DENND2C: variants seen among roughly 807,000 people sequenced by gnomAD.
The protein encoded by DENND2C is DENN domain containing 2C, also known as DENN domain-containing protein 2C.
Under a neutral mutation model 112.4 loss-of-function variants are expected in DENND2C, and 72 were observed. The ratio of observed to expected loss-of-function variants is 0.64; its 90% CI spans 0.53 to 0.78. The LOEUF (loss-of-function observed/expected upper bound fraction) is 0.78. Among genes scored for constraint, DENND2C ranks in the 30% least tolerant of loss-of-function variants. The pLI, the probability that DENND2C is intolerant of heterozygous loss-of-function variation, is 0.00. For synonymous variants in DENND2C, 329 were observed against 381.6 expected, an observed-to-expected ratio of 0.86 and a Z score of 1.61; for missense variants, 992 against 1,113.8, an observed-to-expected ratio of 0.89 and a Z score of 1.56.
In DENND2C at chr1:114,602,205, A is replaced by G. The variant is rs1364097573; in HGVS notation, c.1668-11T>C. The G allele has an allele frequency of 4.3e-6, 7 of 1,612,944 alleles. No homozygotes were observed. On this transcript the variant is annotated splice_polypyrimidine_tract_variant and intron_variant, in intron 11 of 20. Coordinates refer to ENST00000393274, the MANE Select transcript of DENND2C (RefSeq NM_001256404.2). ...AAGGAGAATGTTTCACTGAAAAAAG[A>G]GCCAATAGTTAGTTTAGGATCCAAA... is the stretch of plus-strand genomic sequence containing the variant.
chr1:114,596,786 C>T (rs951376762), intron 16 of DENND2C, among the ~76,000 whole-genome samples: 1 of 151,910 alleles, frequency 6.6e-6, no homozygotes, highest in Non-Finnish European at 1.5e-5. Context: ...AAAAGAAGGA[C>T]AAGGCAGCGG....
In DENND2C at chr1:114,611,170, T is replaced by A. The variant is rs1557944676; in HGVS notation, c.1325-53A>T. On this transcript the variant is annotated intron_variant, in intron 8 of 20. Transcript: ENST00000393274. ...GTATTGTCCAACAGTAGGAAGTACA[T>A]GAGGATGAGAACAATGTAAACCCAC... The A allele has an allele frequency of 1.9e-6, 3 of 1,601,632 alleles. No individual in the cohort carries two copies. The East Asian group carries it at 6.7e-5, about 36-fold the overall frequency.
chr1:114,596,751 T>C (rs1417056044), intron 16 of DENND2C, among the ~76,000 whole-genome samples: 2 of 101,504 alleles, frequency 2.0e-5, no homozygotes, highest in Non-Finnish European at 2.9e-5. Flanking sequence ...AAATAAAAAG[T>C]TTTTTTTTAA....
chr1:114,633,285 A>T (rs1327052186), intron 3 of DENND2C, among the ~76,000 whole-genome samples: 1 of 151,948 alleles, frequency 6.6e-6, no homozygotes, highest in Admixed American at 6.6e-5. Context: ...TCCCTACTAA[A>T]AATACAGAAA....
intron 7 of DENND2C, among the ~76,000 whole-genome samples, chr1:114,620,090 G>A (rs1228961955): frequency 6.6e-6 from 1 of 152,190 alleles, no homozygotes; most frequent in Non-Finnish European, 1.5e-5. Flanking sequence ...GTGAAACTGT[G>A]AAGCAGTTTC....
At chr1:114,599,245 CA>C in intron 16 of DENND2C, 28 bp downstream of exon 16, 1 of 1,542,156 alleles carries the variant, frequency 6.5e-7, no homozygotes, top group East Asian at 2.3e-5. Context: ...CTCAATGCTC[CA>C]ATATTAGGTT....
chr1:114,665,164 G>A (rs2101702131), intron 1 of DENND2C, among the ~76,000 whole-genome samples: 1 of 151,802 alleles, frequency 6.6e-6, no homozygotes, highest in South Asian at 2.1e-4. Flanking sequence ...AGTTTCTCAG[G>A]AGACTGAAGC....
chr1:114,643,242 G>A (rs565949607), intron 3 of DENND2C, among the ~76,000 whole-genome samples: 1 of 152,268 alleles, frequency 6.6e-6, no homozygotes, highest in South Asian at 2.1e-4. Flanking sequence ...TAAGGCTTGT[G>A]TCAGGGAAAA....
Position 114,605,040 on chromosome 1 carries a change from G to T in DENND2C, c.1558-9C>A, listed in dbSNP as rs1006640004. The T allele has an allele frequency of 6.3e-7, 1 of 1,592,462 alleles. No individual in the cohort carries two copies. Among genetic ancestry groups the T allele is most frequent in the Non-Finnish European group, 8.6e-7 (1 of 1,162,784 alleles). The stretch of plus-strand genomic sequence containing the variant: ...TTATAGCCATGATCATCCTGAAAAA[G>T]ATAACACCATAGGTGACTTAAATTA... On this transcript the variant is annotated splice_polypyrimidine_tract_variant and intron_variant, in intron 10 of 20. Transcript: ENST00000393274.
At chr1:114,651,349 G>A (rs1210433807) in intron 2 of DENND2C, among the ~76,000 whole-genome samples, 1 of 151,534 alleles carries the variant, frequency 6.6e-6, no homozygotes, top group Non-Finnish European at 1.5e-5. Flanking sequence ...ATACTCAGGA[G>A]GCTAAGGCAG....
Position 114,595,366 on chromosome 1 carries a change from G to A in DENND2C, c.2325+466C>T, listed in dbSNP as rs199960621. The A allele has an allele frequency of 2.0e-4, 31 of 153,722 alleles. No individual in the cohort carries two copies. The East Asian group carries it at 5.7e-3, about 28-fold the overall frequency. The allele number at this position is 153,722 out of a possible 1,614,324, so 9.5% of individuals were successfully genotyped here. A position where few individuals can be genotyped will look rare whatever the true frequency, so the allele number is the denominator to read the frequency against. ...GTGGTGACAGGCACCTGTAGTCCCAGCTACTCGGGAGGCTGAGGCAGGAGA... is the reference window on the plus strand; with the variant it reads ...GTGGTGACAGGCACCTGTAGTCCCAACTACTCGGGAGGCTGAGGCAGGAGA... On this transcript the variant is annotated intron_variant, in intron 17 of 20. Coordinates refer to ENST00000393274, the MANE Select transcript of DENND2C (RefSeq NM_001256404.2).
intron 3 of DENND2C, among the ~76,000 whole-genome samples, chr1:114,636,503 A>G (rs1174710407): frequency 6.6e-6 from 1 of 152,116 alleles, no homozygotes; most frequent in African/African-American, 2.4e-5. Flanking sequence ...AGTCTCTACA[A>G]AAAATACCAA....
At position 114,619,541 on chromosome 1, in the gene DENND2C, C is replaced by T. The variant is rs191459385; in HGVS notation, c.1228-1059G>A. ...TGCCAACCACTCACCCCCCAAAAAA[C>T]ATGCAAGAAACATATGCTTCCAAAA... On this transcript the variant is annotated intron_variant, in intron 7 of 20. Transcript: ENST00000393274. Among the ~76,000 whole-genome samples, 3 of 152,288 alleles carry T rather than the reference C, an allele frequency of 2.0e-5. No individual in the cohort carries two copies. In the East Asian group the frequency reaches 5.8e-4, roughly 29 times the overall value.
intron 3 of DENND2C, among the ~76,000 whole-genome samples, chr1:114,632,217 G>C (rs1159139279): frequency 6.6e-6 from 1 of 152,122 alleles, no homozygotes; most frequent in Non-Finnish European, 1.5e-5. Context: ...CAGAAATGAA[G>C]GGGTCGGGAG....
intron 7 of DENND2C, among the ~76,000 whole-genome samples, chr1:114,620,739 A>C (rs534849468): frequency 6.6e-6 from 1 of 151,932 alleles, no homozygotes; most frequent in Admixed American, 6.5e-5. Context: ...TTTTTTTTTC[A>C]CTAAGAGAGA....
intron 2 of DENND2C, among the ~76,000 whole-genome samples, chr1:114,652,300 T>C (rs1657187424): frequency 6.6e-6 from 1 of 152,162 alleles, no homozygotes; most frequent in African/African-American, 2.4e-5. Context: ...TATACATATA[T>C]CTATATACCT....
Position 114,608,943 on chromosome 1 carries a change from T to C in DENND2C, c.1370-70A>G, listed in dbSNP as rs555156575. 3.3e-6 allele frequency: 5 copies of C among 1,533,906 alleles called. No individual in the cohort carries two copies. The African/African-American group carries it at 5.5e-5, about 17-fold the overall frequency. On this transcript the variant is annotated intron_variant, in intron 9 of 20. Transcript: ENST00000393274. ...CCTTCCTTTCAGCATCCAGAGGTCA[T>C]GACCCACATAGGATTAATCTTCACA... is the stretch of plus-strand genomic sequence containing the variant.
intron 1 of DENND2C, among the ~76,000 whole-genome samples, chr1:114,661,287 A>G (rs1657486312): frequency 6.6e-6 from 1 of 152,210 alleles, no homozygotes; most frequent in African/African-American, 2.4e-5. Context: ...GAGCTATGTC[A>G]TCACTAAGAA....
At chr1:114,655,536 T>A (rs1360566637) in intron 1 of DENND2C, among the ~76,000 whole-genome samples, 2 of 152,094 alleles carry the variant, frequency 1.3e-5, no homozygotes, top group African/African-American at 4.8e-5. Context: ...CAGGCTGGAG[T>A]GCAGTGGTGT....
Sources: allele counts gnomAD v4.1 joint callset (sites outside exome capture counted in the v4.1 genomes callset), GRCh38; gene constraint gnomAD v4.1.1; transcripts MANE v1.5; gene names NCBI Gene and HGNC (gene_info 2026-07-23, HGNC 2026-07-21).